The following FRMD6 variants were observed in gnomAD, a reference collection of about 807,000 sequenced individuals.
FRMD6 encodes the protein FERM domain containing 6.
Under a neutral mutation model 73.2 loss-of-function variants are expected in FRMD6, and 37 were observed. The ratio of observed to expected loss-of-function variants is 0.51; its 90% CI spans 0.39 to 0.66. The LOEUF (loss-of-function observed/expected upper bound fraction) is 0.66. FRMD6 is among the 30% of genes least tolerant of loss of function. The pLI is 0.00. For missense variants in FRMD6, 714 were observed against 780.5 expected (o/e 0.91, Z 1.02); for synonymous variants, 273 against 282.2 (o/e 0.97, Z 0.33).
In FRMD6 at chr14:51,728,724, G is replaced by T. The variant is rs1898118145; in HGVS notation, c.*695G>T. On this transcript the variant is annotated 3_prime_UTR_variant, in exon 14 of 14. Coordinates refer to ENST00000344768, the MANE Select transcript of FRMD6 (RefSeq NM_001267046.2). Reference sequence around the variant, plus strand: ...CCAGAAAGCTCCAGGATTCATTTGAGTTCCACATCCAAGTAACAGATGAAT... The same window carrying T: ...CCAGAAAGCTCCAGGATTCATTTGATTTCCACATCCAAGTAACAGATGAAT... 6.6e-6 allele frequency: 1 copy of T among 152,568 alleles called. No individual in the cohort carries two copies. Among genetic ancestry groups the T allele is most frequent in the Non-Finnish European group, 1.5e-5 (1 of 68,044 alleles). The allele number at this position is 152,568 out of a possible 1,614,324, so 9.5% of individuals were successfully genotyped here.
chr14:51,672,585 T>G (rs1217030102), intron 1 of FRMD6, among the ~76,000 whole-genome samples: 1 of 152,200 alleles, frequency 6.6e-6, no homozygotes, highest in Non-Finnish European at 1.5e-5. Context: ...CTGGTATTAT[T>G]ATAAAAATAT....
the FRMD6 span, among the ~76,000 whole-genome samples, chr14:51,465,919 C>CATGT: frequency 6.6e-6 from 1 of 152,096 alleles, no homozygotes; most frequent in African/African-American, 2.4e-5. Flanking sequence ...AATCTTCTAC[C>CATGT]AGCAGTACAT....
Position 51,627,394 on chromosome 14 carries a change from T to G in FRMD6, c.-147+56984T>G, listed in dbSNP as rs74052624. On this transcript the variant is annotated intron_variant, in intron 2 of 14. Transcript: ENST00000356218. Reference sequence around the variant, plus strand: ...AATGATTGAAAGATAAGGTTTTCCTTGGCTTGAAATGTTGCATATAGGGAT... The same window carrying G: ...AATGATTGAAAGATAAGGTTTTCCTGGGCTTGAAATGTTGCATATAGGGAT... 6.7e-3 allele frequency among the ~76,000 whole-genome samples: 1,021 copies of G among 152,322 alleles called. 13 individuals are homozygous for G. Among genetic ancestry groups the G allele is most frequent in the African/African-American group, 0.023 (968 of 41,556 alleles).
intron 1 of FRMD6, among the ~76,000 whole-genome samples, chr14:51,659,309 T>C (rs1052158027): frequency 3.3e-5 from 5 of 152,260 alleles, no homozygotes; most frequent in Admixed American, 6.5e-5. Context: ...CTTTGATATA[T>C]AATAAACGTC....
At chr14:51,710,403 G>A (rs1896879214) in intron 7 of FRMD6, among the ~76,000 whole-genome samples, 2 of 152,134 alleles carry the variant, frequency 1.3e-5, no homozygotes, top group Middle Eastern at 3.4e-3. Context: ...AATATATACC[G>A]TATACTTGAA....
At chr14:51,449,382 T>G in the FRMD6 span, among the ~76,000 whole-genome samples, 1 of 152,212 alleles carries the variant, frequency 6.6e-6, no homozygotes, top group Non-Finnish European at 1.5e-5. Context: ...TTCCACCCAA[T>G]GAGAAAGGAA....
chr14:51,702,263 A>T (rs1230655626), intron 4 of FRMD6, among the ~76,000 whole-genome samples: 1 of 151,980 alleles, frequency 6.6e-6, no homozygotes, highest in Non-Finnish European at 1.5e-5. Flanking sequence ...TGTCATTGGC[A>T]TTACAGTGAA....
intron 1 of FRMD6, among the ~76,000 whole-genome samples, chr14:51,489,940 T>C (rs1289881388): frequency 6.6e-6 from 1 of 152,240 alleles, no homozygotes; most frequent in African/African-American, 2.4e-5. Context: ...TGGGAAACAT[T>C]AAGTAGGTGT....
At chr14:51,614,245 T>G (rs894554576) in intron 2 of FRMD6, among the ~76,000 whole-genome samples, 2 of 152,180 alleles carry the variant, frequency 1.3e-5, no homozygotes, top group African/African-American at 4.8e-5. Context: ...TTTGCCTGAT[T>G]CTAGAAATAG....
At chr14:51,605,072 C>A (rs1213681114) in intron 2 of FRMD6, among the ~76,000 whole-genome samples, 1 of 151,996 alleles carries the variant, frequency 6.6e-6, no homozygotes, top group African/African-American at 2.4e-5. Flanking sequence ...TCTACCCCTG[C>A]CTGGCCACCC....
intron 1 of FRMD6, among the ~76,000 whole-genome samples, chr14:51,655,787 A>G (rs1025821757): frequency 1.3e-5 from 2 of 152,228 alleles, no homozygotes; most frequent in African/African-American, 4.8e-5. Flanking sequence ...CTGTATACAA[A>G]CTTGAAATAG....
the FRMD6 span, among the ~76,000 whole-genome samples, chr14:51,445,066 G>A: frequency 7.9e-5 from 12 of 152,314 alleles, no homozygotes; most frequent in African/African-American, 2.6e-4. Context: ...CAGGAAGAAA[G>A]AGAGGGTCTG....
intron 1 of FRMD6, among the ~76,000 whole-genome samples, chr14:51,545,971 GA>G (rs1340074279): frequency 2.0e-5 from 3 of 151,850 alleles, no homozygotes; most frequent in African/African-American, 7.3e-5. Context: ...AATTAAAGTT[GA>G]AAAAAATGAA....
chr14:51,491,902 A>G (rs1041821297), intron 1 of FRMD6, among the ~76,000 whole-genome samples: 1 of 152,196 alleles, frequency 6.6e-6, no homozygotes, highest in Non-Finnish European at 1.5e-5. Flanking sequence ...GGAAACCACC[A>G]GGGAGACCAA....
At chr14:51,556,303 A>G (rs1887128704) in intron 1 of FRMD6, among the ~76,000 whole-genome samples, 2 of 152,244 alleles carry the variant, frequency 1.3e-5, no homozygotes, top group African/African-American at 4.8e-5. Flanking sequence ...TATAAATTAC[A>G]TATTTGAATG....
chr14:51,586,546 T>G (rs1043403015), intron 2 of FRMD6, among the ~76,000 whole-genome samples: 13 of 152,182 alleles, frequency 8.5e-5, no homozygotes, highest in Non-Finnish European at 1.8e-4. Flanking sequence ...TCTTGATTGT[T>G]TCTTTTTGCT....
At chr14:51,475,979 T>C in the FRMD6 span, among the ~76,000 whole-genome samples, 1 of 152,030 alleles carries the variant, frequency 6.6e-6, no homozygotes, top group African/African-American at 2.4e-5. Flanking sequence ...AGAGAACAAA[T>C]GTACCTTGCC....
At chr14:51,629,244 G>GT (rs1891247052) in intron 2 of FRMD6, among the ~76,000 whole-genome samples, 1 of 152,122 alleles carries the variant, frequency 6.6e-6, no homozygotes, top group Non-Finnish European at 1.5e-5. Flanking sequence ...CATATCAATA[G>GT]TTTGTTCCTT....
chr14:51,703,834 A>G (rs566911907), intron 5 of FRMD6, among the ~76,000 whole-genome samples: 4 of 152,220 alleles, frequency 2.6e-5, no homozygotes, highest in South Asian at 2.1e-4. Flanking sequence ...GACATCAGCT[A>G]TGAATCTCAG....
Sources: gnomAD v4.1 joint callset for allele counts (sites outside exome capture counted in the v4.1 genomes callset) on GRCh38, gnomAD v4.1.1 for gene constraint, MANE v1.5 for transcripts, NCBI Gene and HGNC (gene_info 2026-07-23, HGNC 2026-07-21) for gene names.